Variants in MAPK10 observed in about 807,000 individuals in gnomAD.
The protein encoded by MAPK10 is JNK3 alpha protein kinase.
Under a neutral mutation model 59.3 loss-of-function variants are expected in MAPK10, and 25 were observed. The ratio of observed to expected loss-of-function variants is 0.42; its 90% CI spans 0.31 to 0.59. The LOEUF is 0.59. MAPK10 is among the 20% of genes least tolerant of loss of function. The pLI, the probability that MAPK10 is intolerant of heterozygous loss-of-function variation, is 0.15. For missense variants in MAPK10, 351 were observed against 568.9 expected (o/e 0.62, Z 3.90); for synonymous variants, 190 against 200.5 (o/e 0.95, Z 0.44).
intron 1 of MAPK10, among the ~76,000 whole-genome samples, chr4:86,544,432 T>C (rs1307273827): frequency 6.6e-6 from 1 of 152,250 alleles, no homozygotes; most frequent in Non-Finnish European, 1.5e-5. Context: ...ATACTATTCT[T>C]ACTGGAAATG....
At chr4:86,593,042 G>C (rs1763193761) in intron 1 of MAPK10, among the ~76,000 whole-genome samples, 1 of 152,126 alleles carries the variant, frequency 6.6e-6, no homozygotes, top group African/African-American at 2.4e-5. Flanking sequence ...CACATTCAAT[G>C]CATACTTGTA....
At chr4:86,531,897 C>T (rs1482648893) in intron 1 of MAPK10, among the ~76,000 whole-genome samples, 1 of 152,004 alleles carries the variant, frequency 6.6e-6, no homozygotes, top group Non-Finnish European at 1.5e-5. Context: ...ACAAGAAGCT[C>T]CAGGGCAGGC....
At chr4:86,195,894 T>A (rs991598261) in intron 2 of MAPK10, among the ~76,000 whole-genome samples, 1 of 152,242 alleles carries the variant, frequency 6.6e-6, no homozygotes, top group African/African-American at 2.4e-5. Flanking sequence ...GCAAAGGACA[T>A]GAACTCATCC....
At chr4:86,340,874 A>C (rs1452576892) in intron 2 of MAPK10, among the ~76,000 whole-genome samples, 1 of 152,204 alleles carries the variant, frequency 6.6e-6, no homozygotes, top group African/African-American at 2.4e-5. Context: ...GTTTTGCCTT[A>C]CTACTCAATC....
chr4:86,190,803 C>T (rs1213987063), intron 3 of MAPK10, among the ~76,000 whole-genome samples: 1 of 152,076 alleles, frequency 6.6e-6, no homozygotes, highest in Non-Finnish European at 1.5e-5. Context: ...AAATTGTTTA[C>T]TCTTGCTTCT....
intron 2 of MAPK10, chr4:86,326,117 G>A (rs1263855718): frequency 6.6e-6 from 1 of 152,216 alleles, no homozygotes; most frequent in Non-Finnish European, 1.5e-5. Context: ...CAATGACATT[G>A]CAAAATGTAT....
intron 1 of MAPK10, among the ~76,000 whole-genome samples, chr4:86,553,273 G>A (rs530926489): frequency 6.6e-6 from 1 of 152,216 alleles, no homozygotes; most frequent in African/African-American, 2.4e-5. Flanking sequence ...TCTAGAGTCT[G>A]AGCAGCAAGA....
At chr4:86,266,711 A>G (rs2094252143) in intron 2 of MAPK10, among the ~76,000 whole-genome samples, 1 of 152,196 alleles carries the variant, frequency 6.6e-6, no homozygotes, top group Non-Finnish European at 1.5e-5. Context: ...CAGAATTTTG[A>G]GAAGCTTTAT....
chr4:86,032,562 G>T (rs994172104), intron 11 of MAPK10: 1 of 152,124 alleles, frequency 6.6e-6, no homozygotes, highest in African/African-American at 2.4e-5. Context: ...TTCAAAAATG[G>T]CTATTATAGT....
chr4:86,019,583 C>T (rs1442136991), intron 13 of MAPK10, among the ~76,000 whole-genome samples: 2 of 152,116 alleles, frequency 1.3e-5, no homozygotes, highest in Admixed American at 6.5e-5. Context: ...CTTTACATTG[C>T]CCAAATGCCC....
chr4:86,491,782 G>GT (rs888893746), intron 1 of MAPK10, among the ~76,000 whole-genome samples: 2 of 152,118 alleles, frequency 1.3e-5, no homozygotes. Context: ...TTATTCTATA[G>GT]TTTTTCAAGC....
At chr4:86,362,434 T>TC (rs1737166018), upstream of MAPK10, among the ~76,000 whole-genome samples, 1 of 151,084 alleles carries the variant, frequency 6.6e-6, no homozygotes, top group East Asian at 1.9e-4. Flanking sequence ...AAAAGAGACT[T>TC]CATCAAAATT....
At chr4:86,367,040 A>T (rs1026230637) in intron 1 of MAPK10, among the ~76,000 whole-genome samples, 1 of 152,186 alleles carries the variant, frequency 6.6e-6, no homozygotes, top group Admixed American at 6.5e-5. Context: ...AAGTTGAGAG[A>T]TAGCAACTGT....
At chr4:86,268,720 T>C (rs549752927) in intron 2 of MAPK10, among the ~76,000 whole-genome samples, 1 of 152,312 alleles carries the variant, frequency 6.6e-6, no homozygotes, top group East Asian at 1.9e-4. Flanking sequence ...AAGTCTTAAC[T>C]GAAATGTGGT....
chr4:86,031,247 G>A (rs2038952392), intron 12 of MAPK10, 121 bp downstream of exon 12: 3 of 703,350 alleles, frequency 4.3e-6, no homozygotes, highest in Non-Finnish European at 7.4e-6. Flanking sequence ...TTTAAAAATG[G>A]TCTAAGAGAA....
At chr4:86,363,701 A>G (rs1737356852), upstream of MAPK10, among the ~76,000 whole-genome samples, 1 of 152,064 alleles carries the variant, frequency 6.6e-6, no homozygotes, top group Non-Finnish European at 1.5e-5. Flanking sequence ...ATTGTTGACT[A>G]TAGTCACTCT....
At chr4:86,251,445 G>A (rs561512107) in intron 2 of MAPK10, among the ~76,000 whole-genome samples, 2,364 of 145,374 alleles carry the variant, frequency 0.016, 81 homozygotes, top group African/African-American at 0.057. Context: ...TTGTTCTTGC[G>A]ATAGTTTACT....
chr4:86,193,039 G>T (rs1562940759), intron 3 of MAPK10: 2 of 152,372 alleles, frequency 1.3e-5, no homozygotes, highest in South Asian at 2.1e-4. Context: ...CTCTGCTGCA[G>T]CTCTGCTGGA....
intron 3 of MAPK10, among the ~76,000 whole-genome samples, chr4:86,188,369 T>C (rs1037049857): frequency 6.6e-6 from 1 of 152,200 alleles, no homozygotes; most frequent in African/African-American, 2.4e-5. Flanking sequence ...ACCAACAGTG[T>C]AAAAGCTTTC....
Sources: allele counts gnomAD v4.1 joint callset (sites outside exome capture counted in the v4.1 genomes callset), GRCh38; gene constraint gnomAD v4.1.1; transcripts MANE v1.5; gene names NCBI Gene and HGNC (gene_info 2026-07-23, HGNC 2026-07-21).